The following YTHDF3 variants were observed in gnomAD, a reference collection of about 807,000 sequenced individuals.
YTHDF3 encodes YTH domain-containing family protein 3.
YTHDF3 carries 9 observed loss-of-function variants against 52.5 expected under a neutral mutation model. The ratio of observed to expected loss-of-function variants is 0.17; its 90% confidence interval spans 0.10 to 0.30. The LOEUF is 0.30. Ranked by LOEUF, YTHDF3 falls within the 10% of genes least tolerant of loss-of-function variation. The pLI, the probability that YTHDF3 is intolerant of heterozygous loss-of-function variation, is 1.00. For missense variants in YTHDF3, 534 were observed against 715.0 expected (o/e 0.75, Z 2.89); for synonymous variants, 274 against 243.3 (o/e 1.13, Z -1.18).
intron 3 of YTHDF3, among the ~76,000 whole-genome samples, chr8:63,178,486 G>A (rs977120781): frequency 1.3e-5 from 2 of 152,190 alleles, no homozygotes; most frequent in African/African-American, 4.8e-5. Flanking sequence ...ATCATTGCAG[G>A]TTATGTTGGA....
chr8:63,200,068 A>G (rs1461464074), intron 4 of YTHDF3, among the ~76,000 whole-genome samples: 1 of 152,212 alleles, frequency 6.6e-6, no homozygotes, highest in African/African-American at 2.4e-5. Context: ...TCACAAGGCT[A>G]CAGTCAAGGC....
intron 2 of YTHDF3, among the ~76,000 whole-genome samples, chr8:63,173,202 T>TTATATTTATATATATATATATATATA: frequency 7.9e-6 from 1 of 125,916 alleles, no homozygotes; most frequent in African/African-American, 4.0e-5. Flanking sequence ...AGGATTATAT[T>TTATATTTATATATATATATATATATA]TATATATATA....
At chr8:63,203,416 G>A (rs1809774395) in intron 4 of YTHDF3, among the ~76,000 whole-genome samples, 1 of 152,058 alleles carries the variant, frequency 6.6e-6, no homozygotes, top group Non-Finnish European at 1.5e-5. Flanking sequence ...TATGGTATTT[G>A]TTATTTGGTA....
rs761562716 is a variant in YTHDF3 at position 63,186,859 on chromosome 8, G to T, written c.848G>T (p.Gly283Val). 1.2e-6 allele frequency: 2 copies of T among 1,613,810 alleles called. No homozygotes were observed. Among genetic ancestry groups the T allele is most frequent in the East Asian group, 2.2e-5 (1 of 44,894 alleles). Residue 283 changes from glycine to valine, a missense_variant, in exon 4 of 5, where the codon GGG (glycine) becomes GTG (valine). Around this residue, in one of 3 missense-constraint regions of YTHDF3, gnomAD observed 203 missense variants for 201.3 expected, o/e 1.01. Coordinates refer to ENST00000539294, the MANE Select transcript of YTHDF3 (RefSeq NM_152758.6). ...AATATTGGAACTTGGGATGAAAAAG[G>T]GTCAGTGGTAAAGGCTCCACCAACC... is the stretch of plus-strand genomic sequence containing the variant. ...NMNIGTWDEK[G>V]SVVKAPPTQP...
At chr8:63,198,839 TTAACAGAAACAAATTTAATATA>T (rs1467509532) in intron 4 of YTHDF3, among the ~76,000 whole-genome samples, 3 of 152,320 alleles carry the variant, frequency 2.0e-5, no homozygotes, top group Admixed American at 2.0e-4. Flanking sequence ...TTTATTATAA[TTAACAGAAACAAATTTAATATA>T]TAAAATCTAC....
intron 4 of YTHDF3, among the ~76,000 whole-genome samples, chr8:63,188,340 A>C (rs1048559856): frequency 1.3e-5 from 2 of 150,828 alleles, no homozygotes; most frequent in Admixed American, 6.6e-5. Flanking sequence ...ATATTATTTA[A>C]TTTTTTTTCA....
chr8:63,169,259 A>C, intron 1 of YTHDF3, 128 bp from the exon 2 acceptor site: 1 of 1,336,794 alleles, frequency 7.5e-7, no homozygotes, highest in Non-Finnish European at 1.0e-6. Context: ...GCTGTGGAGG[A>C]TATGGTGGGT....
At chr8:63,183,367 A>G (rs1334392898) in intron 3 of YTHDF3, among the ~76,000 whole-genome samples, 12 of 152,178 alleles carry the variant, frequency 7.9e-5, no homozygotes, top group Admixed American at 7.9e-4. Flanking sequence ...TTTTGTCAGT[A>G]TGAAGCACTA....
intron 3 of YTHDF3, among the ~76,000 whole-genome samples, chr8:63,177,430 A>G (rs1292440412): frequency 6.6e-6 from 1 of 152,248 alleles, no homozygotes; most frequent in Non-Finnish European, 1.5e-5. Context: ...CGTAAAGATT[A>G]TGAAAGTAGA....
intron 4 of YTHDF3, among the ~76,000 whole-genome samples, chr8:63,189,846 G>A (rs1212391743): frequency 1.3e-5 from 2 of 152,160 alleles, no homozygotes; most frequent in Admixed American, 6.5e-5. Context: ...CTTTGCTTTG[G>A]AGTAATTAAT....
Position 63,186,816 on chromosome 8 carries a change from C to G in YTHDF3, c.805C>G (p.Pro269Ala), listed in dbSNP as rs1808539682. Residue 269 changes from proline (P) to alanine (A), a missense_variant, in exon 4 of 5, where the codon CCT becomes GCT. Pro to Ala is a conservative substitution (Grantham distance 27). Transcript: ENST00000539294. ...TGGGGGTTCTGCTGTACCACCACCT[C>G]CTATAAAACACAACATGAATATTGG... ...GIGGSAVPPPPIKHNMNIGTW... is the reference protein window; with the variant it reads ...GIGGSAVPPPAIKHNMNIGTW... 1 of 1,613,980 alleles carries G rather than the reference C, an allele frequency of 6.2e-7. No individual in the cohort carries two copies. Among genetic ancestry groups the G allele is most frequent in the Non-Finnish European group, 8.5e-7 (1 of 1,179,898 alleles).
chr8:63,208,767 T>C (rs1311575742), intron 4 of YTHDF3, among the ~76,000 whole-genome samples: 1 of 152,208 alleles, frequency 6.6e-6, no homozygotes, highest in African/African-American at 2.4e-5. Context: ...TTTGTTCAAG[T>C]AGTTTTTGCT....
At chr8:63,187,978 G>T (rs1808640831) in intron 4 of YTHDF3, among the ~76,000 whole-genome samples, 1 of 152,150 alleles carries the variant, frequency 6.6e-6, no homozygotes, top group Non-Finnish European at 1.5e-5. Context: ...CTCCCTAGAT[G>T]ATAAAGGCCA....
chr8:63,178,795 A>G (rs1807872907), intron 3 of YTHDF3, among the ~76,000 whole-genome samples: 1 of 152,184 alleles, frequency 6.6e-6, no homozygotes, highest in African/African-American at 2.4e-5. Flanking sequence ...AGTACTCTCA[A>G]TTATCTAGCT....
At chr8:63,178,519 T>A (rs966181439) in intron 3 of YTHDF3, among the ~76,000 whole-genome samples, 6 of 152,246 alleles carry the variant, frequency 3.9e-5, no homozygotes, top group African/African-American at 1.4e-4. Flanking sequence ...TAAAATAGAT[T>A]TGTTTTAACT....
intron 4 of YTHDF3, among the ~76,000 whole-genome samples, chr8:63,207,300 C>G (rs1415357577): frequency 6.6e-6 from 1 of 152,030 alleles, no homozygotes; most frequent in Non-Finnish European, 1.5e-5. Context: ...GTCTTAACTT[C>G]CTTTTCCTTA....
chr8:63,172,559 C>T (rs141810152), intron 2 of YTHDF3: 287 of 392,668 alleles, frequency 7.3e-4, no homozygotes, highest in African/African-American at 5.5e-3. Flanking sequence ...TTTCAAAGCA[C>T]TTTACTATCA....
intron 3 of YTHDF3, among the ~76,000 whole-genome samples, chr8:63,183,284 C>T (rs1808273816): frequency 6.6e-6 from 1 of 152,014 alleles, no homozygotes; most frequent in African/African-American, 2.4e-5. Flanking sequence ...TAATCAGTTA[C>T]ATATATTCGT....
Position 63,168,648 on chromosome 8 carries a change from G to A in YTHDF3, c.-230G>A. 2.7e-6 allele frequency: 2 copies of A among 743,924 alleles called. No homozygotes were observed. The highest frequency in any genetic ancestry group is 1.8e-5 in the South Asian group (1 of 56,670). The allele number at this position is 743,924 out of a possible 1,614,324, so 46.1% of individuals were successfully genotyped here. On this transcript the variant is annotated 5_prime_UTR_variant, in exon 1 of 5. Coordinates refer to ENST00000539294, the MANE Select transcript of YTHDF3 (RefSeq NM_152758.6). ...GACTAGGGAGTCTGTCCGCCATTGT[G>A]GACCCGAGAAGCAGAGAGCGAGAGG...
Sources: allele counts gnomAD v4.1 joint callset (sites outside exome capture counted in the v4.1 genomes callset), GRCh38; gene constraint gnomAD v4.1.1; regional missense constraint gnomAD v4.1.1; transcripts MANE v1.5; gene names NCBI Gene and HGNC (gene_info 2026-07-23, HGNC 2026-07-21).